Variants in ANKDD1A observed in about 807,000 individuals in gnomAD.
The protein encoded by ANKDD1A is ankyrin repeat and death domain-containing protein 1A.
In ANKDD1A, 59 loss-of-function variants were observed where a neutral mutation model predicts 63.5. The observed-to-expected ratio is 0.93, with a 90% CI of 0.75 to 1.15. The LOEUF is 1.15. ANKDD1A is among the 50% of genes most tolerant of loss of function. The pLI, the probability that ANKDD1A is intolerant of heterozygous loss-of-function variation, is 0.00. For missense variants in ANKDD1A, 632 were observed against 656.4 expected (o/e 0.96, Z 0.41); for synonymous variants, 266 against 263.9 (o/e 1.01, Z -0.08).
At chr15:64,912,350 A>C (rs568269621) in intron 1 of ANKDD1A, among the ~76,000 whole-genome samples, 57 of 152,338 alleles carry the variant, frequency 3.7e-4, no homozygotes, top group African/African-American at 1.3e-3. Flanking sequence ...GCAGATGAGA[A>C]ACTGAGGCAC....
At chr15:64,941,956 G>A (rs532399801) in intron 9 of ANKDD1A, among the ~76,000 whole-genome samples, 1 of 152,172 alleles carries the variant, frequency 6.6e-6, no homozygotes, top group Non-Finnish European at 1.5e-5. Context: ...CGTGGTGGGA[G>A]TAGAAAGTCC....
At chr15:64,951,659 C>G (rs1464514401) in intron 14 of ANKDD1A, among the ~76,000 whole-genome samples, 1 of 38,776 alleles carries the variant, frequency 2.6e-5, no homozygotes, top group Non-Finnish European at 7.6e-5. Flanking sequence ...TTCCTTCTAT[C>G]TTCTTTTTCT....
At chr15:64,954,645 TCTTCTTCTC>T (rs2085393051) in intron 14 of ANKDD1A, among the ~76,000 whole-genome samples, 2 of 109,806 alleles carry the variant, frequency 1.8e-5, no homozygotes, top group South Asian at 6.5e-4. Context: ...TCTTCTTCCT[TCTTCTTCTC>T]CTTCTTTCTT....
intron 3 of ANKDD1A, among the ~76,000 whole-genome samples, chr15:64,918,166 G>A (rs990858407): frequency 1.3e-5 from 2 of 152,180 alleles, no homozygotes; most frequent in African/African-American, 2.4e-5. Context: ...AGTTTGGGAC[G>A]AGCCTGGATG....
intron 10 of ANKDD1A, 51 bp downstream of exon 10, chr15:64,942,616 C>T (rs780121498): frequency 8.7e-6 from 13 of 1,488,614 alleles, no homozygotes; most frequent in Non-Finnish European, 1.1e-5. Context: ...TGGAAACCCT[C>T]CCAGGCTGGC....
intron 14 of ANKDD1A, among the ~76,000 whole-genome samples, chr15:64,952,765 C>T (rs1315102898): frequency 4.4e-5 from 5 of 114,844 alleles, no homozygotes; most frequent in African/African-American, 1.5e-4. Flanking sequence ...TCCTCCTCCT[C>T]CTTTCTTTTC....
At chr15:64,956,308 G>T (rs184874197) in intron 14 of ANKDD1A, among the ~76,000 whole-genome samples, 1 of 149,524 alleles carries the variant, frequency 6.7e-6, no homozygotes, top group Admixed American at 6.7e-5. Flanking sequence ...CCAGCACTTT[G>T]GGAGGGCAAG....
chr15:64,944,604 AC>A, intron 11 of ANKDD1A, 47 bp from the exon 12 acceptor site: 1 of 1,564,052 alleles, frequency 6.4e-7, no homozygotes, highest in South Asian at 1.2e-5. Flanking sequence ...ACCCTTGTGT[AC>A]CCCTCCTGTA....
At chr15:64,944,771 T>C (rs752225959) in intron 12 of ANKDD1A, 24 bp downstream of exon 12, 2 of 1,608,782 alleles carry the variant, frequency 1.2e-6, no homozygotes, top group Non-Finnish European at 1.7e-6. Context: ...ACGCTTGATC[T>C]TTCCTCATTG....
intron 9 of ANKDD1A, among the ~76,000 whole-genome samples, chr15:64,939,565 T>C (rs2085163757): frequency 6.6e-6 from 1 of 152,128 alleles, no homozygotes. Flanking sequence ...CAGTCAACTA[T>C]GATCACACAC....
Position 64,952,630 on chromosome 15 carries a change from T to TTTTCTTCTTCTCC in ANKDD1A, c.1483+2660_1483+2661insTCTTCTTCTCCTT, listed in dbSNP as rs2085314973. Among the ~76,000 whole-genome samples, 11 of 122,452 alleles carry TTTTCTTCTTCTCC rather than the reference T, an allele frequency of 9.0e-5. No homozygotes were observed. The Admixed American group carries it at 9.5e-4, about 11-fold the overall frequency. 80.3% of individuals were successfully genotyped at this position (122,452 alleles called of 152,430 possible). On this transcript the variant is annotated intron_variant, in intron 14 of 14. Transcript: ENST00000319580. ...TTCTTCCTCCTCTCCTTCTTCGTCT[T>TTTTCTTCTTCTCC]TTCTTTCTTCTTCTCCTTCTCCTTC... is the stretch of plus-strand genomic sequence containing the variant.
intron 14 of ANKDD1A, among the ~76,000 whole-genome samples, chr15:64,952,831 T>G (rs2085321999): frequency 1.5e-5 from 2 of 136,032 alleles, no homozygotes; most frequent in Non-Finnish European, 3.2e-5. Flanking sequence ...CTCCTCCTTC[T>G]TCCTTTCTTC....
chr15:64,950,285 T>C, intron 14 of ANKDD1A: 3 of 985,404 alleles, frequency 3.0e-6, no homozygotes, highest in Non-Finnish European at 3.6e-6. Context: ...TTTTCCATTT[T>C]GGAATAAGCC....
intron 8 of ANKDD1A, among the ~76,000 whole-genome samples, chr15:64,933,477 A>G (rs1330381057): frequency 6.6e-6 from 1 of 152,170 alleles, no homozygotes; most frequent in Non-Finnish European, 1.5e-5. Context: ...CACCAAGACC[A>G]GCTTGTGCTG....
Position 64,911,977 on chromosome 15 carries a change from G to C in ANKDD1A, c.34+13G>C. 1.5e-6 allele frequency: 1 copy of C among 686,196 alleles called. No individual in the cohort carries two copies. Among genetic ancestry groups the C allele is most frequent in the Non-Finnish European group, 2.1e-6 (1 of 483,366 alleles). 42.5% of individuals were successfully genotyped at this position (686,196 alleles called of 1,614,324 possible). On this transcript the variant is annotated intron_variant, in intron 1 of 14. Transcript: ENST00000319580. Reference sequence around the variant, plus strand: ...GAGACCGACGGCCGTGAGTCTGCCTGGAGGAGGGAGGGGGGCGGGCCGAGG... The same window carrying C: ...GAGACCGACGGCCGTGAGTCTGCCTCGAGGAGGGAGGGGGGCGGGCCGAGG...
intron 8 of ANKDD1A, chr15:64,932,000 T>A (rs2085095159): frequency 9.1e-6 from 2 of 219,096 alleles, no homozygotes; most frequent in Non-Finnish European, 1.8e-5. Flanking sequence ...TTCAAGCAGT[T>A]TTCCTGACTC....
chr15:64,918,626 C>T (rs180848882), intron 3 of ANKDD1A, among the ~76,000 whole-genome samples: 3 of 152,182 alleles, frequency 2.0e-5, no homozygotes, highest in South Asian at 2.1e-4. Flanking sequence ...AAAGAAGCTA[C>T]GAGGGAGAAC....
chr15:64,946,344 A>G (rs1207166515), intron 12 of ANKDD1A, among the ~76,000 whole-genome samples: 1 of 152,224 alleles, frequency 6.6e-6, no homozygotes, highest in Non-Finnish European at 1.5e-5. Flanking sequence ...AATAAAAATC[A>G]CTGTTTCAGA....
intron 6 of ANKDD1A, among the ~76,000 whole-genome samples, chr15:64,927,819 A>G (rs2085058807): frequency 6.6e-6 from 1 of 151,998 alleles, no homozygotes. Context: ...GTTAGCCAGG[A>G]TGATCTTGAT....
Sources: allele counts gnomAD v4.1 joint callset (sites outside exome capture counted in the v4.1 genomes callset), GRCh38; gene constraint gnomAD v4.1.1; transcripts MANE v1.5; gene names NCBI Gene and HGNC (gene_info 2026-07-23, HGNC 2026-07-21).